The following CRYBG1 variants were observed in gnomAD, a reference collection of about 807,000 sequenced individuals.
The protein encoded by CRYBG1 is beta/gamma crystallin domain-containing protein 1.
Under a neutral mutation model 189.2 loss-of-function variants are expected in CRYBG1, and 139 were observed. The observed-to-expected ratio is 0.73, with a 90% CI of 0.64 to 0.85. The LOEUF (loss-of-function observed/expected upper bound fraction) is 0.85. Ranked by LOEUF, CRYBG1 falls within the 40% of genes least tolerant of loss-of-function variation. CRYBG1 has a pLI of 0.00. For synonymous variants in CRYBG1, 1,023 were observed against 1,017.1 expected, an observed-to-expected ratio of 1.01 and a Z score of -0.11; for missense variants, 2,611 against 2,675.8, an observed-to-expected ratio of 0.98 and a Z score of 0.53.
intron 8 of CRYBG1, among the ~76,000 whole-genome samples, chr6:106,534,216 T>A (rs958432181): frequency 6.6e-6 from 1 of 152,222 alleles, no homozygotes; most frequent in African/African-American, 2.4e-5. Context: ...TAATCTACCT[T>A]AAATGATATT....
chr6:106,524,923 A>G (rs1773699377), intron 4 of CRYBG1, among the ~76,000 whole-genome samples: 1 of 152,234 alleles, frequency 6.6e-6, no homozygotes, highest in Admixed American at 6.5e-5. Context: ...AGAAATTGAA[A>G]TGGCAAATTC....
intron 1 of CRYBG1, among the ~76,000 whole-genome samples, chr6:106,404,601 A>G (rs1290743203): frequency 6.6e-6 from 1 of 152,186 alleles, no homozygotes; most frequent in African/African-American, 2.4e-5. Context: ...AAGATGCCCA[A>G]ATAGGAACAG....
At chr6:106,442,202 C>T (rs76954894) in intron 1 of CRYBG1, among the ~76,000 whole-genome samples, 155 of 152,282 alleles carry the variant, frequency 1.0e-3, no homozygotes, top group African/African-American at 3.7e-3. Context: ...CACAATTTCT[C>T]TTGAAACTTT....
Position 106,563,817 on chromosome 6 carries a change from C to G in CRYBG1, c.6192C>G (p.Ser2064=). Residue 2064 remains serine (S), a synonymous_variant, in exon 21 of 22, where the codon TCC becomes TCG. Transcript: ENST00000633556. ...TIVGSLVTSG[S]KLGLALDQNA... ...TGGGCAGCCTGGTAACATCTGGCTC[C>G]AAGCTAGGCCTGGCCCTGGACCAGA... 6.2e-7 allele frequency: 1 copy of G among 1,612,874 alleles called. No homozygotes were observed. The highest frequency in any genetic ancestry group is 1.1e-5 in the South Asian group (1 of 91,054).
chr6:106,373,342 G>C (rs553307), intron 1 of CRYBG1, among the ~76,000 whole-genome samples: 130,261 of 152,130 alleles, frequency 0.86, 56,429 homozygotes, highest in Non-Finnish European at 0.92. Flanking sequence ...ACCTGCTACT[G>C]GGGTGATTCA....
chr6:106,501,534 CTT>C (rs1410066034), intron 2 of CRYBG1, among the ~76,000 whole-genome samples: 3 of 152,214 alleles, frequency 2.0e-5, no homozygotes, highest in Non-Finnish European at 4.4e-5. Context: ...ATAATTTTAA[CTT>C]GAGCAAAACA....
At chr6:106,560,725 A>G in intron 18 of CRYBG1, 78 bp from the exon 19 acceptor site, 1 of 1,497,002 alleles carries the variant, frequency 6.7e-7, no homozygotes, top group Non-Finnish European at 9.0e-7. Context: ...AGAAATGGAA[A>G]GCATTCTAAA....
At chr6:106,368,691 T>A (rs773203329) in intron 1 of CRYBG1, among the ~76,000 whole-genome samples, 5 of 152,228 alleles carry the variant, frequency 3.3e-5, no homozygotes, top group African/African-American at 4.8e-5. Context: ...TTTACAGCAC[T>A]GTGCATCTTC....
intron 1 of CRYBG1, among the ~76,000 whole-genome samples, chr6:106,377,620 T>G (rs2353597): frequency 0.17 from 2,479 of 14,428 alleles, 121 homozygotes; most frequent in South Asian, 0.44. Context: ...GTCCTAAGGT[T>G]TTATATATAT....
intron 16 of CRYBG1, among the ~76,000 whole-genome samples, chr6:106,554,738 A>T (rs1040930138): frequency 2.6e-5 from 4 of 152,196 alleles, no homozygotes; most frequent in African/African-American, 9.7e-5. Flanking sequence ...AGTCCTGTGC[A>T]TGTTTAAAAT....
rs1415328432 is a variant in CRYBG1, at chr6:106,512,326, C to T, written c.1209C>T (p.Cys403=). 2.5e-6 allele frequency: 4 copies of T among 1,607,642 alleles called. No homozygotes were observed. The Admixed American group carries it at 5.1e-5, about 20-fold the overall frequency. The change falls in exon 3 of 22, where the codon TGC becomes TGT. Residue 403 remains cysteine (C), a synonymous_variant. Coordinates refer to ENST00000633556, the MANE Select transcript of CRYBG1 (RefSeq NM_001371242.2). ...TGATTACTCCCAGAGCGGAAGATTG[C>T]GGTGACTGGGACGACATGGAGAAGA... ...PVVITPRAED[C]GDWDDMEKRS... is the part of the protein sequence containing the mutation.
At position 106,444,483 on chromosome 6, in the gene CRYBG1, C is replaced by T. The variant is rs940119314; in HGVS notation, c.174-7211C>T. Reference sequence around the variant, plus strand: ...ACAATTCTCCTGGTTGTTTGGTCCTCGGCCTTGGCTTCTCTTTGCTTGTGC... The same window carrying T: ...ACAATTCTCCTGGTTGTTTGGTCCTTGGCCTTGGCTTCTCTTTGCTTGTGC... On this transcript the variant is annotated intron_variant, in intron 1 of 21. Coordinates refer to ENST00000633556, the MANE Select transcript of CRYBG1 (RefSeq NM_001371242.2). 4.6e-5 allele frequency among the ~76,000 whole-genome samples: 7 copies of T among 152,272 alleles called. No homozygotes were observed. In the South Asian group the frequency reaches 6.2e-4, roughly 14 times the overall value.
intron 1 of CRYBG1, among the ~76,000 whole-genome samples, chr6:106,450,061 A>C (rs1967443): frequency 0.84 from 127,107 of 151,614 alleles, 53,314 homozygotes; most frequent in East Asian, 0.93. Flanking sequence ...CCTGTCTCCA[A>C]TAAAAATACA....
chr6:106,512,566 C>G lies in CRYBG1; in HGVS notation c.1449C>G (p.Ser483Arg). 1 of 1,607,030 alleles carries G rather than the reference C, an allele frequency of 6.2e-7. No individual in the cohort carries two copies. Among genetic ancestry groups the G allele is most frequent in the South Asian group, 1.1e-5 (1 of 90,172 alleles). The change falls in exon 3 of 22, where the codon AGC (serine) becomes AGG (arginine). Residue 483 changes from serine (S) to arginine (R), a missense_variant. Around this residue, in one of 3 missense-constraint regions of CRYBG1, gnomAD observed 985 missense variants for 924.4 expected, o/e 1.07. Coordinates refer to ENST00000633556, the MANE Select transcript of CRYBG1 (RefSeq NM_001371242.2). Reference protein sequence around the residue: ...ALDGGVASAASPESKPSPGTK... With the variant: ...ALDGGVASAARPESKPSPGTK... Reference sequence around the variant, plus strand: ...ACGGGGGCGTTGCCTCCGCTGCGAGCCCAGAGTCCAAGCCCAGCCCCGGTA... The same window carrying G: ...ACGGGGGCGTTGCCTCCGCTGCGAGGCCAGAGTCCAAGCCCAGCCCCGGTA...
chr6:106,368,673 G>T (rs1218438805), intron 1 of CRYBG1, among the ~76,000 whole-genome samples: 1 of 152,102 alleles, frequency 6.6e-6, no homozygotes. Context: ...CCCTTGCTTA[G>T]TGCTGCCTTT....
intron 2 of CRYBG1, among the ~76,000 whole-genome samples, chr6:106,499,738 A>G (rs1054225349): frequency 2.0e-5 from 3 of 152,186 alleles, no homozygotes; most frequent in African/African-American, 7.2e-5. Flanking sequence ...AGTATTAACT[A>G]TGGTCACCAT....
At position 106,512,513 on chromosome 6, in the gene CRYBG1, A is replaced by C. The variant is rs1398695376; in HGVS notation, c.1396A>C (p.Lys466Gln). The change falls in exon 3 of 22, where the codon AAA (lysine) becomes CAA (glutamine). Residue 466 changes from lysine (K) to glutamine (Q), a missense_variant. Physicochemically the swap from Lys to Gln is moderately conservative, Grantham distance 53. This residue lies in a region of CRYBG1 where 985 missense variants were observed against 924.4 expected (regional missense o/e 1.07). Transcript: ENST00000633556. ...AASDNASAEK[K>Q]VKSPRAALDG... ...CAGCGATAACGCCTCGGCGGAAAAG[A>C]AAGTGAAATCTCCGCGGGCAGCCCT... 1.2e-6 allele frequency: 2 copies of C among 1,610,982 alleles called. No individual in the cohort carries two copies. Among genetic ancestry groups the C allele is most frequent in the Non-Finnish European group, 1.7e-6 (2 of 1,179,124 alleles).
chr6:106,369,063 G>A (rs556694454), intron 1 of CRYBG1, among the ~76,000 whole-genome samples: 2 of 152,238 alleles, frequency 1.3e-5, no homozygotes, highest in South Asian at 4.1e-4. Context: ...TTCATGATTT[G>A]TCATTTAAAT....
chr6:106,363,243 CAAAAAAAAAA>C (rs57040798), intron 1 of CRYBG1, among the ~76,000 whole-genome samples: 2 of 111,142 alleles, frequency 1.8e-5, no homozygotes, highest in African/African-American at 3.4e-5. Flanking sequence ...AACTCCGTCT[CAAAAAAAAAA>C]AAAAAAAAAA....
Sources: allele counts gnomAD v4.1 joint callset (sites outside exome capture counted in the v4.1 genomes callset), GRCh38; gene constraint gnomAD v4.1.1; regional missense constraint gnomAD v4.1.1; transcripts MANE v1.5; gene names NCBI Gene and HGNC (gene_info 2026-07-23, HGNC 2026-07-21).